ZBTB38: variants seen among roughly 807,000 people sequenced by gnomAD.
ZBTB38 encodes zinc finger and BTB domain containing 38, also known as zinc finger and BTB domain-containing protein 38.
Under a neutral mutation model 76.8 loss-of-function variants are expected in ZBTB38, and 20 were observed. That is an observed-to-expected ratio of 0.26 (90% CI 0.18 to 0.38). The LOEUF (loss-of-function observed/expected upper bound fraction) is 0.38, where lower values mean the gene tolerates loss of function less well. Ranked by LOEUF, ZBTB38 falls within the 10% of genes least tolerant of loss-of-function variation. The pLI is 1.00. For synonymous variants in ZBTB38, 504 were observed against 544.2 expected (o/e 0.93, Z 1.03); for missense variants, 1,082 against 1,482.3 (o/e 0.73, Z 4.43).
Position 141,444,506 on chromosome 3 carries a change from G to A in ZBTB38, c.2118G>A (p.Val706=), listed in dbSNP as rs756613095. ...ATAGCAGTGAGAATGCCGCCTCTGT[G>A]ATCAGCTACAGTGGCTCTGCACCCT... is the stretch of plus-strand genomic sequence containing the variant. ...LSNSSENAAS[V]ISYSGSAPSV... is the part of the protein sequence containing the mutation. The change falls in exon 6 of 6, where the codon GTG becomes GTA. Residue 706 remains valine, a synonymous_variant. Coordinates refer to ENST00000321464, the MANE Select transcript of ZBTB38 (RefSeq NM_001376113.1). The surrounding 1 kb of genome is among the most constrained non-coding windows in gnomAD (Gnocchi z 5.1). 11 of 1,614,050 alleles carry A rather than the reference G, an allele frequency of 6.8e-6. No individual in the cohort carries two copies. The highest frequency in any genetic ancestry group is 9.3e-6 in the Non-Finnish European group (11 of 1,180,048).
At chr3:141,338,829 T>C (rs1212483238) in intron 1 of ZBTB38, among the ~76,000 whole-genome samples, 1 of 151,930 alleles carries the variant, frequency 6.6e-6, no homozygotes, top group African/African-American at 2.4e-5. Context: ...AAAAAGAAAA[T>C]AAAACAAAGA....
chr3:141,357,122 A>G (rs1943684776), intron 1 of ZBTB38, among the ~76,000 whole-genome samples: 2 of 152,242 alleles, frequency 1.3e-5, no homozygotes, highest in Admixed American at 6.5e-5. Context: ...CATGTTTGCC[A>G]ATGCGACAGG....
chr3:141,407,245 A>G (rs1334186728), intron 5 of ZBTB38, among the ~76,000 whole-genome samples: 2 of 152,204 alleles, frequency 1.3e-5, no homozygotes, highest in African/African-American at 4.8e-5. Flanking sequence ...TCACGTGCAT[A>G]TGAGCTTAGT....
chr3:141,380,349 A>G (rs1428960026), intron 2 of ZBTB38, among the ~76,000 whole-genome samples: 1 of 152,216 alleles, frequency 6.6e-6, no homozygotes, highest in Non-Finnish European at 1.5e-5. Flanking sequence ...TCTAGGAGAG[A>G]CAGGTTTACA....
chr3:141,408,839 C>CT (rs1201928328), intron 5 of ZBTB38, among the ~76,000 whole-genome samples: 1 of 152,184 alleles, frequency 6.6e-6, no homozygotes, highest in Admixed American at 6.5e-5. Flanking sequence ...TGCTGATGGC[C>CT]TGGAGCCTTT....
chr3:141,424,645 T>C (rs1436001349), intron 5 of ZBTB38, among the ~76,000 whole-genome samples: 1 of 147,834 alleles, frequency 6.8e-6, no homozygotes, highest in Non-Finnish European at 1.5e-5. Flanking sequence ...TATGTGTGTG[T>C]GTGCGTGTGT....
At chr3:141,407,390 T>G (rs1000108057) in intron 5 of ZBTB38, among the ~76,000 whole-genome samples, 1 of 152,230 alleles carries the variant, frequency 6.6e-6, no homozygotes, top group Non-Finnish European at 1.5e-5. Flanking sequence ...TAGGATTATT[T>G]GGAAGACTAA....
chr3:141,379,361 C>T (rs1382133603), intron 2 of ZBTB38, among the ~76,000 whole-genome samples: 1 of 152,146 alleles, frequency 6.6e-6, no homozygotes, highest in Non-Finnish European at 1.5e-5. Flanking sequence ...CCCAGCATCA[C>T]CTAAGATGGA....
intron 4 of ZBTB38, among the ~76,000 whole-genome samples, chr3:141,390,430 AATACT>A (rs1948488394): frequency 1.3e-5 from 2 of 152,210 alleles, no homozygotes; most frequent in African/African-American, 4.8e-5. Context: ...TATAATATAA[AATACT>A]ATAATATTTA....
chr3:141,434,993 G>T (rs950829491), intron 5 of ZBTB38, among the ~76,000 whole-genome samples: 4 of 151,952 alleles, frequency 2.6e-5, no homozygotes, highest in African/African-American at 9.7e-5. Flanking sequence ...ATTATCCAAG[G>T]ATGGTGGCAC....
At chr3:141,326,992 A>G (rs1331924364) in intron 1 of ZBTB38, among the ~76,000 whole-genome samples, 2 of 152,186 alleles carry the variant, frequency 1.3e-5, no homozygotes, top group Non-Finnish European at 2.9e-5. Flanking sequence ...TTTTACCTGC[A>G]TTTTAAAATC....
intron 4 of ZBTB38, among the ~76,000 whole-genome samples, chr3:141,401,794 G>T (rs2149555281): frequency 1.3e-5 from 2 of 152,304 alleles, no homozygotes; most frequent in South Asian, 4.1e-4. Context: ...GAAGAAAGAT[G>T]CCAGCGGCCA....
chr3:141,336,902 A>T (rs1158548912), intron 1 of ZBTB38, among the ~76,000 whole-genome samples: 1 of 152,226 alleles, frequency 6.6e-6, no homozygotes, highest in African/African-American at 2.4e-5. Context: ...TTTGAGAATC[A>T]CTAGGCAGGG....
At chr3:141,351,820 A>G (rs1317372006) in intron 1 of ZBTB38, among the ~76,000 whole-genome samples, 1 of 151,934 alleles carries the variant, frequency 6.6e-6, no homozygotes, top group Non-Finnish European at 1.5e-5. Flanking sequence ...ATTAAGTGCA[A>G]TCGTGATCTA....
intron 2 of ZBTB38, among the ~76,000 whole-genome samples, chr3:141,374,437 T>C (rs969297506): frequency 2.2e-4 from 33 of 152,242 alleles, no homozygotes; most frequent in African/African-American, 7.0e-4. Flanking sequence ...TCCCAGTGCA[T>C]TGGGATAAGG....
intron 5 of ZBTB38, among the ~76,000 whole-genome samples, chr3:141,430,171 T>G (rs1476748634): frequency 1.3e-5 from 2 of 152,188 alleles, no homozygotes; most frequent in Non-Finnish European, 2.9e-5. Flanking sequence ...GTTCAAGTGA[T>G]TCTCCTGCCT....
intron 5 of ZBTB38, among the ~76,000 whole-genome samples, chr3:141,416,771 G>A (rs1247000936): frequency 6.6e-6 from 1 of 152,170 alleles, no homozygotes; most frequent in Non-Finnish European, 1.5e-5. Flanking sequence ...AAAGGAGAAG[G>A]CCATGTGCAG....
intron 1 of ZBTB38, among the ~76,000 whole-genome samples, chr3:141,331,522 C>T (rs1194034883): frequency 6.6e-6 from 1 of 152,166 alleles, no homozygotes; most frequent in East Asian, 1.9e-4. Flanking sequence ...TCAAGAATGA[C>T]TGTGTTTGGG....
Position 141,399,910 on chromosome 3 carries a change from G to A in ZBTB38, c.-105-4017G>A, listed in dbSNP as rs530399903. On this transcript the variant is annotated intron_variant, in intron 4 of 5. Transcript: ENST00000321464. ...AGAAAAGGCCCCTGGAAAAGGATAA[G>A]GAAGCATATTGTGGGAATAGTGAAG... Among the ~76,000 whole-genome samples, 13 of 150,966 alleles carry A rather than the reference G, an allele frequency of 8.6e-5. No homozygotes were observed. In the South Asian group the frequency reaches 2.7e-3, roughly 32 times the overall value.
Sources: allele counts gnomAD v4.1 joint callset (sites outside exome capture counted in the v4.1 genomes callset), GRCh38; gene constraint gnomAD v4.1.1; non-coding constraint Gnocchi (gnomAD v3.1); transcripts MANE v1.5; gene names NCBI Gene and HGNC (gene_info 2026-07-23, HGNC 2026-07-21).